CNTNAP5: variants seen among roughly 807,000 people sequenced by gnomAD.
CNTNAP5 encodes contactin associated protein family member 5, also known as contactin-associated protein-like 5.
Under a neutral mutation model 150.2 loss-of-function variants are expected in CNTNAP5, and 72 were observed. That is an observed-to-expected ratio of 0.48 (90% CI 0.40 to 0.58). The LOEUF is 0.58. Ranked by LOEUF, CNTNAP5 falls within the 20% of genes least tolerant of loss-of-function variation. The pLI, the probability that CNTNAP5 is intolerant of heterozygous loss-of-function variation, is 0.00. For missense variants in CNTNAP5, 1,636 were observed against 1,626.2 expected (o/e 1.01, Z -0.10); for synonymous variants, 672 against 619.8 (o/e 1.08, Z -1.25).
chr2:124,395,253 A>G (rs56655573), intron 3 of CNTNAP5, among the ~76,000 whole-genome samples: 15,826 of 152,248 alleles, frequency 0.1, 1,192 homozygotes, highest in African/African-American at 0.22. Context: ...AATGTGCCAT[A>G]GCAGTTCAGA....
intron 19 of CNTNAP5, among the ~76,000 whole-genome samples, chr2:124,848,188 C>A (rs1288378717): frequency 6.6e-6 from 1 of 152,252 alleles, no homozygotes; most frequent in East Asian, 1.9e-4. Flanking sequence ...TTTCCCCAAA[C>A]CCCAGTCCCT....
At chr2:124,087,072 G>A (rs955749933) in intron 1 of CNTNAP5, among the ~76,000 whole-genome samples, 1 of 151,770 alleles carries the variant, frequency 6.6e-6, no homozygotes, top group African/African-American at 2.4e-5. Flanking sequence ...ATAAAATACA[G>A]AAACCTTACT....
chr2:124,085,079 G>A (rs577868707), intron 1 of CNTNAP5, among the ~76,000 whole-genome samples: 2 of 151,752 alleles, frequency 1.3e-5, no homozygotes, highest in African/African-American at 4.8e-5. Context: ...CCACCACCAC[G>A]CCCAGCTAAT....
At chr2:124,475,467 G>A (rs144420172) in intron 7 of CNTNAP5, among the ~76,000 whole-genome samples, 16 of 152,080 alleles carry the variant, frequency 1.1e-4, no homozygotes, top group African/African-American at 3.6e-4. Context: ...TGCCTTAAAC[G>A]TTGTAGGTGC....
intron 6 of CNTNAP5, among the ~76,000 whole-genome samples, chr2:124,467,672 A>C (rs1403176304): frequency 1.3e-5 from 2 of 152,178 alleles, no homozygotes; most frequent in Non-Finnish European, 2.9e-5. Context: ...AAATTTCTCC[A>C]GTCTAATTTA....
intron 12 of CNTNAP5, among the ~76,000 whole-genome samples, chr2:124,638,480 A>C (rs1678019395): frequency 6.6e-6 from 1 of 151,992 alleles, no homozygotes; most frequent in Admixed American, 6.6e-5. Context: ...TCTTTTTTAT[A>C]GTTATTTTAT....
chr2:124,213,475 C>G (rs1395340841), intron 1 of CNTNAP5, among the ~76,000 whole-genome samples: 1 of 152,112 alleles, frequency 6.6e-6, no homozygotes, highest in Admixed American at 6.5e-5. Context: ...TCCTTTCACT[C>G]AACAAAGAAG....
chr2:124,592,124 A>G (rs939605444), intron 11 of CNTNAP5, among the ~76,000 whole-genome samples: 1 of 152,114 alleles, frequency 6.6e-6, no homozygotes, highest in Non-Finnish European at 1.5e-5. Flanking sequence ...TCCTCAATTG[A>G]TGAACACCGA....
chr2:124,709,586 C>T (rs1679764290), intron 13 of CNTNAP5, among the ~76,000 whole-genome samples: 1 of 152,080 alleles, frequency 6.6e-6, no homozygotes, highest in Admixed American at 6.6e-5. Flanking sequence ...GTCAGGACAG[C>T]AATCTGCTCA....
chr2:124,588,208 CTT>C (rs1298826833), intron 11 of CNTNAP5, among the ~76,000 whole-genome samples: 4 of 131,044 alleles, frequency 3.1e-5, no homozygotes, highest in African/African-American at 1.2e-4. Flanking sequence ...TTCTTTCTTT[CTT>C]TCTTTCTTTC....
At chr2:124,899,355 A>G (rs1678370641) in intron 21 of CNTNAP5, among the ~76,000 whole-genome samples, 1 of 151,468 alleles carries the variant, frequency 6.6e-6, no homozygotes, top group South Asian at 2.1e-4. Context: ...ACTTAGGTAG[A>G]CCTAATTTCC....
intron 11 of CNTNAP5, among the ~76,000 whole-genome samples, chr2:124,587,082 T>C (rs2104955100): frequency 2.0e-5 from 3 of 152,304 alleles, no homozygotes; most frequent in Middle Eastern, 6.8e-3. Context: ...TTCCTGACTG[T>C]ATGTGAGTCA....
At chr2:124,031,030 A>G (rs922882086) in intron 1 of CNTNAP5, among the ~76,000 whole-genome samples, 1 of 152,020 alleles carries the variant, frequency 6.6e-6, no homozygotes, top group Non-Finnish European at 1.5e-5. Flanking sequence ...TTCACATTCC[A>G]CAAACAAGCT....
At chr2:124,635,989 C>A (rs1278640187) in intron 12 of CNTNAP5, among the ~76,000 whole-genome samples, 2 of 152,196 alleles carry the variant, frequency 1.3e-5, no homozygotes, top group Non-Finnish European at 2.9e-5. Flanking sequence ...CCAGTGCTAG[C>A]TGTGAGTAGT....
At chr2:124,465,431 C>A (rs1693354976) in intron 6 of CNTNAP5, among the ~76,000 whole-genome samples, 1 of 151,980 alleles carries the variant, frequency 6.6e-6, no homozygotes, top group South Asian at 2.1e-4. Flanking sequence ...ATTCAATATG[C>A]CAAGACCAAG....
rs183402814 is a variant in CNTNAP5 at position 124,434,402 on chromosome 2, A to C, written c.530-82A>C. 4,045 of 1,072,392 alleles carry C rather than the reference A, an allele frequency of 3.8e-3. 10 individuals are homozygous for C. The highest frequency in any genetic ancestry group is 4.8e-3 in the Non-Finnish European group (3,302 of 695,016). 66.4% of individuals were successfully genotyped at this position (1,072,392 alleles called of 1,614,324 possible). A position where few individuals can be genotyped will look rare whatever the true frequency, so the allele number is the denominator to read the frequency against. On this transcript the variant is annotated intron_variant, in intron 4 of 23. Coordinates refer to ENST00000682447, the MANE Select transcript of CNTNAP5 (RefSeq NM_001367498.1). ...TCTCAAGAACATTTCTGTGAACTGG[A>C]CATGAAATAAGATGGGAAACAGTAA...
intron 13 of CNTNAP5, among the ~76,000 whole-genome samples, chr2:124,652,941 A>T (rs757199135): frequency 1.3e-5 from 2 of 152,252 alleles, no homozygotes; most frequent in Non-Finnish European, 2.9e-5. Context: ...TTCAGACTCC[A>T]TTACTTTGAA....
At chr2:124,350,204 C>G (rs899332041) in intron 3 of CNTNAP5, among the ~76,000 whole-genome samples, 1 of 151,974 alleles carries the variant, frequency 6.6e-6, no homozygotes, top group Admixed American at 6.6e-5. Flanking sequence ...TTTCTAAACT[C>G]AAATTCTTCT....
rs752582069 is a variant in CNTNAP5, at chr2:124,527,295, C to T, written c.1488C>T (p.Asp496=). The change falls in exon 10 of 24, where the codon GAC becomes GAT. Residue 496 remains aspartate (D), a synonymous_variant. Transcript: ENST00000682447. ...GNSYYFGGCP[D]NLTDSQCLNP... ...TTCTCTGTCCCACAGGGTGCCCCGA[C>T]AATCTCACCGATTCCCAATGTTTAA... is the stretch of plus-strand genomic sequence containing the variant. The T allele has an allele frequency of 2.5e-6, 4 of 1,613,020 alleles. No individual in the cohort carries two copies. In the African/African-American group the frequency reaches 5.3e-5, roughly 22 times the overall value.
Sources: allele counts gnomAD v4.1 joint callset (sites outside exome capture counted in the v4.1 genomes callset), GRCh38; gene constraint gnomAD v4.1.1; transcripts MANE v1.5; gene names NCBI Gene and HGNC (gene_info 2026-07-23, HGNC 2026-07-21).